COL20A1: variants seen among roughly 807,000 people sequenced by gnomAD.
COL20A1 encodes collagen alpha-1(XX) chain.
In COL20A1, 164 loss-of-function variants were observed where a neutral mutation model predicts 152.9. That is an observed-to-expected ratio of 1.07 (90% confidence interval 0.94 to 1.22). The LOEUF (loss-of-function observed/expected upper bound fraction) is 1.22, where lower values mean the gene tolerates loss of function less well. Ranked by LOEUF, COL20A1 falls within the 50% of genes most tolerant of loss-of-function variation. The pLI is 0.00. For synonymous variants in COL20A1, 864 were observed against 756.0 expected, an observed-to-expected ratio of 1.14 and a Z score of -2.34; for missense variants, 1,873 against 1,744.8, an observed-to-expected ratio of 1.07 and a Z score of -1.31.
chr20:63,297,860 G>A (rs2123372340), intron 2 of COL20A1, 50 bp from the exon 3 acceptor site: 2 of 1,420,598 alleles, frequency 1.4e-6, no homozygotes, highest in East Asian at 4.6e-5. Context: ...AGCTGATTAG[G>A]TGGATGGGGA....
intron 5 of COL20A1, among the ~76,000 whole-genome samples, chr20:63,307,085 C>G (rs940792961): frequency 6.6e-6 from 1 of 152,232 alleles, no homozygotes; most frequent in African/African-American, 2.4e-5. Context: ...CTGCAAAACC[C>G]CGGGGAGCGC....
Position 63,319,876 on chromosome 20 carries a change from A to AG in COL20A1, c.2917-156dup, listed in dbSNP as rs940231500. Among the ~76,000 whole-genome samples, 3 of 151,992 alleles carry AG rather than the reference A, an allele frequency of 2.0e-5. No individual in the cohort carries two copies. The highest frequency in any genetic ancestry group is 1.9e-4 in the East Asian group (1 of 5,164). On this transcript the variant is annotated intron_variant, in intron 23 of 35. Transcript: ENST00000358894. The surrounding 1 kb of genome is among the most constrained non-coding windows in gnomAD (Gnocchi z 4.4). ...ACAGAGGGGAAGCCGAGGCCCAGCA[A>AG]GGGGGGGTTCTCCCAGGGTCCCCCG... is the stretch of plus-strand genomic sequence containing the variant.
intron 9 of COL20A1, 67 bp from the exon 10 acceptor site, chr20:63,309,691 C>T (rs2067978355): frequency 2.8e-6 from 4 of 1,407,944 alleles, no homozygotes; most frequent in Non-Finnish European, 2.8e-6. Context: ...GAGTGGCCAC[C>T]AGGGGGAGCG....
In COL20A1 at chr20:63,311,531, G is replaced by A. The variant is rs2068005558; in HGVS notation, c.1531G>A (p.Glu511Lys). The A allele has an allele frequency of 6.3e-7, 1 of 1,596,058 alleles. No homozygotes were observed. The highest frequency in any genetic ancestry group is 1.3e-5 in the African/African-American group (1 of 74,778). Residue 511 changes from glutamate to lysine, a missense_variant, in exon 12 of 36, where the codon GAG becomes AAG. Transcript: ENST00000358894. The surrounding 1 kb of genome is among the most constrained non-coding windows in gnomAD (Gnocchi z 4.4). Reference protein sequence around the residue: ...SPASPKGEEEEREVQVGRPEV... With the variant: ...SPASPKGEEEKREVQVGRPEV... ...TGCTTCCCCCAAGGGTGAAGAGGAGGAGCGAGAGGTGAGCTGGGCCGGGGG... is the reference window on the plus strand; with the variant it reads ...TGCTTCCCCCAAGGGTGAAGAGGAGAAGCGAGAGGTGAGCTGGGCCGGGGG...
At position 63,313,807 on chromosome 20, in the gene COL20A1, G is replaced by A. The variant is rs1188309887; in HGVS notation, c.2274G>A (p.Gln758=). The change falls in exon 18 of 36, where the codon CAG becomes CAA. Residue 758 remains glutamine (Q), a synonymous_variant. Coordinates refer to ENST00000358894, the MANE Select transcript of COL20A1 (RefSeq NM_020882.4). The surrounding 1 kb of genome is among the most constrained non-coding windows in gnomAD (Gnocchi z 5.9). The part of the protein sequence containing the change: ...ALASETPDSL[Q]VSWTPPLGRV... Reference sequence around the variant, plus strand: ...CCTCGGAGACCCCCGACAGCCTGCAGGTCAGCTGGACGCCCCCGCTTGGCC... The same window carrying A: ...CCTCGGAGACCCCCGACAGCCTGCAAGTCAGCTGGACGCCCCCGCTTGGCC... The A allele has an allele frequency of 6.2e-7, 1 of 1,611,140 alleles. No homozygotes were observed. The highest frequency in any genetic ancestry group is 8.5e-7 in the Non-Finnish European group (1 of 1,179,324).
In COL20A1 at chr20:63,305,747, A is replaced by T; in HGVS notation, c.338-134A>T. ...CACCAGCAAGGCTGCCTTGCCCCTG[A>T]CATCTTTGCATGCCTCCCAGGCTCC... On this transcript the variant is annotated intron_variant, in intron 4 of 35. Transcript: ENST00000358894. This position sits in a 1 kb window ranked among gnomAD's most constrained non-coding sequence, Gnocchi z 4.9. The T allele has an allele frequency of 9.0e-7, 1 of 1,115,266 alleles. No homozygotes were observed. Among genetic ancestry groups the T allele is most frequent in the Non-Finnish European group, 1.3e-6 (1 of 778,694 alleles). 69.1% of individuals were successfully genotyped at this position (1,115,266 alleles called of 1,614,324 possible).
rs200658894 is a variant in COL20A1 at position 63,325,518 on chromosome 20, C to T, written c.3348+24C>T. 2.4e-3 allele frequency: 3,889 copies of T among 1,606,156 alleles called. 8 individuals carry two copies. The highest frequency in any genetic ancestry group is 3.1e-3 in the Non-Finnish European group (3,698 of 1,174,816). On this transcript the variant is annotated intron_variant, in intron 28 of 35. Transcript: ENST00000358894. ...AGGTAGTGTGGCTGGGGCCAGGGGGCCACAGGGGTTGGTGGGGGTGGGGGA... is the reference window on the plus strand; with the variant it reads ...AGGTAGTGTGGCTGGGGCCAGGGGGTCACAGGGGTTGGTGGGGGTGGGGGA...
chr20:63,314,266 C>T, intron 19 of COL20A1, 65 bp downstream of exon 19: 1 of 1,428,538 alleles, frequency 7.0e-7, no homozygotes, highest in Non-Finnish European at 9.6e-7. Flanking sequence ...AGACCCCAGA[C>T]CCTGCCAGCT....
chr20:63,329,530 A>C, intron 34 of COL20A1, 55 bp from the exon 35 acceptor site: 1 of 1,378,310 alleles, frequency 7.3e-7, no homozygotes, highest in Non-Finnish European at 1.0e-6. Context: ...CCGTCAGAAC[A>C]GGGCCCCAAG....
At chr20:63,310,289 T>G in intron 10 of COL20A1, 92 bp from the exon 11 acceptor site, 920 of 1,400,960 alleles carry the variant, frequency 6.6e-4, no homozygotes, top group Middle Eastern at 9.5e-4. Context: ...GGGCCCCAGC[T>G]GAGCTCACAC....
At chr20:63,318,927 G>A (rs914448904) in intron 21 of COL20A1, 131 bp from the exon 22 acceptor site, 2 of 703,488 alleles carry the variant, frequency 2.8e-6, no homozygotes, top group Non-Finnish European at 4.9e-6. Context: ...GCGGGTGCAG[G>A]GGTCCACCAT....
At chr20:63,316,768 G>C (rs1360324327) in intron 21 of COL20A1, 77 bp downstream of exon 21, 5 of 1,373,164 alleles carry the variant, frequency 3.6e-6, no homozygotes, top group Non-Finnish European at 4.8e-6. Flanking sequence ...TGGTGGGGGG[G>C]CGGGCATGGG....
Position 63,312,462 on chromosome 20 carries a change from C to G in COL20A1, c.1846C>G (p.Leu616Val), listed in dbSNP as rs774598675. 2 of 1,607,706 alleles carry G rather than the reference C, an allele frequency of 1.2e-6. No individual in the cohort carries two copies. The highest frequency in any genetic ancestry group is 2.2e-5 in the East Asian group (1 of 44,762). The change falls in exon 15 of 36, where the codon CTC (leucine) becomes GTC (valine). Residue 616 changes from leucine to valine, a missense_variant. Physicochemically the swap from Leu to Val is conservative, Grantham distance 32 (BLOSUM62 1). Coordinates refer to ENST00000358894, the MANE Select transcript of COL20A1 (RefSeq NM_020882.4). Reference sequence around the variant, plus strand: ...CGCCACCTCGGCCACGCTGGGGCCTCTCTCTTCCTCCACCACCTACACTGT... The same window carrying G: ...CGCCACCTCGGCCACGCTGGGGCCTGTCTCTTCCTCCACCACCTACACTGT... ...GNATSATLGP[L>V]SSSTTYTVRV...
chr20:63,295,268 C>T (rs1218526751), intron 2 of COL20A1, 79 bp downstream of exon 2: 33 of 891,222 alleles, frequency 3.7e-5, no homozygotes, highest in East Asian at 1.6e-4. Context: ...ACGAGCCCTC[C>T]GCCCCTGAGC....
chr20:63,308,202 G>A (rs1446362227), intron 7 of COL20A1, 112 bp downstream of exon 7: 16 of 1,329,130 alleles, frequency 1.2e-5, no homozygotes, highest in East Asian at 9.9e-5. Flanking sequence ...GTGGACCTGA[G>A]CCCTGTTCAC....
At chr20:63,314,403 G>C (rs1490150081) in intron 19 of COL20A1, among the ~76,000 whole-genome samples, 1 of 152,182 alleles carries the variant, frequency 6.6e-6, no homozygotes, top group African/African-American at 2.4e-5. Context: ...GATTCTCCAG[G>C]GACAAGGACG....
intron 20 of COL20A1, 100 bp from the exon 21 acceptor site, chr20:63,316,453 A>G (rs2068085353): frequency 3.9e-6 from 2 of 512,428 alleles, no homozygotes; most frequent in South Asian, 5.6e-5. Context: ...ACCGCACTGC[A>G]GCCCCTGGGT....
rs1473779492 is a variant in COL20A1, at chr20:63,310,603, G to C, written c.1393+93G>C. On this transcript the variant is annotated intron_variant, in intron 11 of 35. Transcript: ENST00000358894. ...CTGACACCCCAGGGCAGCATAGCGA[G>C]CAGCTCTGGATCTTAACCACCCACA... 3 of 1,374,010 alleles carry C rather than the reference G, an allele frequency of 2.2e-6. No homozygotes were observed. In the African/African-American group the frequency reaches 4.3e-5, roughly 20 times the overall value. 85.1% of individuals were successfully genotyped at this position (1,374,010 alleles called of 1,614,324 possible).
At position 63,320,283 on chromosome 20, in the gene COL20A1, C is replaced by G. The variant is rs748143635; in HGVS notation, c.3076-8C>G. ...CCCCGGGGCTGAGCCGGCTCCCCTG[C>G]GTTGCAGTTTCAGCTCCAGATGCTG... On this transcript the variant is annotated splice_polypyrimidine_tract_variant and splice_region_variant and intron_variant, in intron 24 of 35. Coordinates refer to ENST00000358894, the MANE Select transcript of COL20A1 (RefSeq NM_020882.4). 8.7e-6 allele frequency: 14 copies of G among 1,609,140 alleles called. No individual in the cohort carries two copies. Among genetic ancestry groups the G allele is most frequent in the Non-Finnish European group, 1.0e-5 (12 of 1,179,756 alleles).
Sources: allele counts gnomAD v4.1 joint callset (sites outside exome capture counted in the v4.1 genomes callset), GRCh38; gene constraint gnomAD v4.1.1; non-coding constraint Gnocchi (gnomAD v3.1); transcripts MANE v1.5; gene names NCBI Gene and HGNC (gene_info 2026-07-23, HGNC 2026-07-21).